YEATS2: variants seen among roughly 807,000 people sequenced by gnomAD.
YEATS2 encodes the protein YEATS domain containing 2, also known as YEATS domain-containing protein 2.
YEATS2 carries 77 observed loss-of-function variants against 163.2 expected under a neutral mutation model. The observed-to-expected ratio is 0.47, with a 90% CI of 0.39 to 0.57. The LOEUF is 0.57. Ranked by LOEUF, YEATS2 falls within the 20% of genes least tolerant of loss-of-function variation. YEATS2 has a pLI of 0.00. For synonymous variants in YEATS2, 631 were observed against 645.1 expected, an observed-to-expected ratio of 0.98 and a Z score of 0.33; for missense variants, 1,549 against 1,729.8, an observed-to-expected ratio of 0.90 and a Z score of 1.85.
chr3:183,797,287 A>G (rs1045045185), intron 21 of YEATS2, among the ~76,000 whole-genome samples: 1 of 150,774 alleles, frequency 6.6e-6, no homozygotes, highest in Non-Finnish European at 1.5e-5. Context: ...AAAAAAAAAA[A>G]AGCCCAGTGC....
intron 20 of YEATS2, among the ~76,000 whole-genome samples, chr3:183,788,548 G>T (rs759384641): frequency 6.6e-6 from 1 of 152,180 alleles, no homozygotes; most frequent in Admixed American, 6.5e-5. Context: ...TCGTTCACCT[G>T]GTGATGGACA....
At position 183,798,878 on chromosome 3, in the gene YEATS2, T is replaced by G. The variant is rs1210660691; in HGVS notation, c.3227-13T>G. On this transcript the variant is annotated splice_polypyrimidine_tract_variant and intron_variant, in intron 22 of 30. Coordinates refer to ENST00000305135, the MANE Select transcript of YEATS2 (RefSeq NM_018023.5). ...TGTATTTGTTATATCCCTCCCTCCTTTTTTCCCTTTAGTGGTTCAGTCATT... is the reference window on the plus strand; with the variant it reads ...TGTATTTGTTATATCCCTCCCTCCTGTTTTCCCTTTAGTGGTTCAGTCATT... 1.2e-6 allele frequency: 2 copies of G among 1,603,806 alleles called. No homozygotes were observed. The highest frequency in any genetic ancestry group is 2.7e-5 in the African/African-American group (2 of 74,706).
chr3:183,749,958 C>T (rs1363918710), intron 9 of YEATS2, among the ~76,000 whole-genome samples: 1 of 152,026 alleles, frequency 6.6e-6, no homozygotes, highest in Non-Finnish European at 1.5e-5. Context: ...GCTGGGACTA[C>T]AGGCACCTGC....
intron 6 of YEATS2, among the ~76,000 whole-genome samples, chr3:183,728,468 T>C (rs1228572952): frequency 6.6e-6 from 1 of 152,220 alleles, no homozygotes; most frequent in East Asian, 1.9e-4. Context: ...GTGCTGGCAT[T>C]ACAGTGTGAG....
intron 13 of YEATS2, among the ~76,000 whole-genome samples, chr3:183,759,695 C>G (rs550210941): frequency 6.6e-4 from 101 of 152,330 alleles, no homozygotes; most frequent in Non-Finnish European, 1.2e-3. Flanking sequence ...GATTTTTCGA[C>G]TTTACCGTGG....
chr3:183,709,445 G>A (rs905787885), intron 1 of YEATS2, among the ~76,000 whole-genome samples: 12 of 148,918 alleles, frequency 8.1e-5, no homozygotes, highest in East Asian at 2.1e-4. Context: ...GGAGATTCTC[G>A]TGCCTCAGCC....
At chr3:183,720,880 C>G (rs559004443) in intron 4 of YEATS2, among the ~76,000 whole-genome samples, 5 of 151,814 alleles carry the variant, frequency 3.3e-5, no homozygotes, top group Admixed American at 3.3e-4. Flanking sequence ...TTAGTATTTC[C>G]CGGCTGTAAT....
At chr3:183,713,940 G>A (rs960079034) in intron 1 of YEATS2, among the ~76,000 whole-genome samples, 1 of 151,988 alleles carries the variant, frequency 6.6e-6, no homozygotes, top group East Asian at 2.0e-4. Flanking sequence ...GAGTAGCTGG[G>A]ACTGCAGGTG....
chr3:183,713,233 T>C (rs1030144366), intron 1 of YEATS2, among the ~76,000 whole-genome samples: 8 of 152,230 alleles, frequency 5.3e-5, no homozygotes, highest in African/African-American at 1.7e-4. Context: ...TAAAATATAT[T>C]GTTAAAATTG....
rs559311737 is a variant in YEATS2 at position 183,804,272 on chromosome 3, T to A, written c.3784+84T>A. 12 of 1,534,698 alleles carry A rather than the reference T, an allele frequency of 7.8e-6. No homozygotes were observed. In the East Asian group the frequency reaches 2.7e-4, roughly 35 times the overall value. ...AGAGAGAGATGAGGACTTGGAAGAG[T>A]TGCTGTAGAGAACGAGAGCCTTTCC... On this transcript the variant is annotated intron_variant, in intron 27 of 30. Coordinates refer to ENST00000305135, the MANE Select transcript of YEATS2 (RefSeq NM_018023.5).
Position 183,791,000 on chromosome 3 carries a change from T to C in YEATS2, c.3097+20T>C. 1 of 1,604,574 alleles carries C rather than the reference T, an allele frequency of 6.2e-7. No individual in the cohort carries two copies. The highest frequency in any genetic ancestry group is 8.5e-7 in the Non-Finnish European group (1 of 1,173,264). On this transcript the variant is annotated intron_variant, in intron 21 of 30. Transcript: ENST00000305135. ...TATCCGGTGAGTTGCATTGTGATATTATTTCTCTCTCTTTTCTCTCATTGG... is the reference window on the plus strand; with the variant it reads ...TATCCGGTGAGTTGCATTGTGATATCATTTCTCTCTCTTTTCTCTCATTGG...
intron 15 of YEATS2, among the ~76,000 whole-genome samples, chr3:183,768,224 G>A (rs1722103709): frequency 6.6e-6 from 1 of 152,132 alleles, no homozygotes; most frequent in African/African-American, 2.4e-5. Flanking sequence ...TTCGGCTTGT[G>A]GACTAAGAAA....
intron 23 of YEATS2, among the ~76,000 whole-genome samples, 160 bp downstream of exon 23, chr3:183,799,149 C>T (rs1395637897): frequency 6.6e-6 from 1 of 152,140 alleles, no homozygotes; most frequent in African/African-American, 2.4e-5. Context: ...GCAAATATGT[C>T]CTAAATGCTC....
chr3:183,795,760 T>C (rs1030758353), intron 21 of YEATS2, among the ~76,000 whole-genome samples: 2 of 152,110 alleles, frequency 1.3e-5, no homozygotes, highest in Admixed American at 1.3e-4. Context: ...TGTCAGCTGA[T>C]GAGCATGCAT....
In YEATS2 at chr3:183,721,915, G is replaced by A; in HGVS notation, c.316G>A (p.Val106Ile). 1.2e-6 allele frequency: 2 copies of A among 1,614,080 alleles called. No homozygotes were observed. The highest frequency in any genetic ancestry group is 1.7e-6 in the Non-Finnish European group (2 of 1,180,020). ...GGGATCAAAGACATGTGATACAATG[G>A]TTTTTAATCATCCTGCTATCAAGAA... The part of the protein sequence containing the change: ...SEGSKTCDTM[V>I]FNHPAIKKFL... The change falls in exon 5 of 31, where the codon GTT becomes ATT. Residue 106 changes from valine (V) to isoleucine (I), a missense_variant. Coordinates refer to ENST00000305135, the MANE Select transcript of YEATS2 (RefSeq NM_018023.5).
chr3:183,706,614 C>T (rs1419425664), intron 1 of YEATS2, among the ~76,000 whole-genome samples: 1 of 152,128 alleles, frequency 6.6e-6, no homozygotes. Flanking sequence ...ATCGGGAGTT[C>T]GAGACCAGCA....
intron 19 of YEATS2, among the ~76,000 whole-genome samples, chr3:183,785,227 C>T (rs1397276685): frequency 6.6e-6 from 1 of 151,916 alleles, no homozygotes; most frequent in Non-Finnish European, 1.5e-5. Flanking sequence ...TGGCTTCACG[C>T]CAGTAATCCC....
chr3:183,772,653 C>T, intron 16 of YEATS2, 90 bp downstream of exon 16: 1 of 1,498,970 alleles, frequency 6.7e-7, no homozygotes, highest in Non-Finnish European at 9.0e-7. Context: ...TTGATCTGGT[C>T]TAGGAAAGCC....
At chr3:183,719,248 G>A (rs571298740) in intron 4 of YEATS2, among the ~76,000 whole-genome samples, 1 of 146,294 alleles carries the variant, frequency 6.8e-6, no homozygotes, top group African/African-American at 2.5e-5. Flanking sequence ...TGATTCTTCT[G>A]CCTCAGCCTC....
Sources: allele counts gnomAD v4.1 joint callset (sites outside exome capture counted in the v4.1 genomes callset), GRCh38; gene constraint gnomAD v4.1.1; transcripts MANE v1.5; gene names NCBI Gene and HGNC (gene_info 2026-07-23, HGNC 2026-07-21).